MCTP2: variants seen among roughly 807,000 people sequenced by gnomAD.
MCTP2 encodes the protein multiple C2 and transmembrane domain containing 2, also known as multiple C2 and transmembrane domain-containing protein 2.
MCTP2 carries 132 observed loss-of-function variants against 111.6 expected under a neutral mutation model. The ratio of observed to expected loss-of-function variants is 1.18; its 90% CI spans 1.03 to 1.37. MCTP2 has a LOEUF of 1.37. Among genes scored for constraint, MCTP2 ranks in the 40% most tolerant of loss-of-function variants. The probability of loss-of-function intolerance (pLI) is 0.00; values close to 1 mark genes in which losing one functional copy is unlikely to be tolerated. For synonymous variants in MCTP2, 395 were observed against 387.7 expected, an observed-to-expected ratio of 1.02 and a Z score of -0.22; for missense variants, 1,183 against 1,067.9, an observed-to-expected ratio of 1.11 and a Z score of -1.50.
intron 17 of MCTP2, among the ~76,000 whole-genome samples, chr15:94,428,660 G>T (rs903325967): frequency 6.6e-6 from 1 of 151,802 alleles, no homozygotes; most frequent in Non-Finnish European, 1.5e-5. Flanking sequence ...CCTTCCATGT[G>T]TCTTAACCTC....
Position 94,427,412 on chromosome 15 carries a change from GA to G in MCTP2, c.2086-12763del, listed in dbSNP as rs553121715. Reference sequence around the variant, plus strand: ...CAGACTTAACAGGAAGCATGACTGGGAGGCCTCAGGAAACTTACAATCATGA... The same window carrying G: ...CAGACTTAACAGGAAGCATGACTGGGGGCCTCAGGAAACTTACAATCATGA... On this transcript the variant is annotated intron_variant, in intron 17 of 22. Coordinates refer to ENST00000357742, the MANE Select transcript of MCTP2 (RefSeq NM_001385001.1). 5.3e-5 allele frequency among the ~76,000 whole-genome samples: 8 copies of G among 152,246 alleles called. No homozygotes were observed. In the East Asian group the frequency reaches 1.5e-3, roughly 29 times the overall value.
chr15:94,372,150 A>G (rs185000175), intron 12 of MCTP2, among the ~76,000 whole-genome samples: 2 of 152,352 alleles, frequency 1.3e-5, no homozygotes, highest in East Asian at 1.9e-4. Context: ...ACAAATTCCA[A>G]TAACGATAGC....
At chr15:94,470,823 G>T (rs995831258) in intron 21 of MCTP2, among the ~76,000 whole-genome samples, 5 of 152,094 alleles carry the variant, frequency 3.3e-5, no homozygotes, top group Non-Finnish European at 7.3e-5. Context: ...TGTAAAAGTG[G>T]ATCTGGCCAC....
chr15:94,242,992 T>G (rs1398865068), intron 1 of MCTP2, among the ~76,000 whole-genome samples: 2 of 105,634 alleles, frequency 1.9e-5, no homozygotes, highest in East Asian at 5.5e-4. Flanking sequence ...TACACGTGTA[T>G]ATGTGTATCT....
chr15:94,287,311 GTTGTT>G (rs888843613), intron 1 of MCTP2, among the ~76,000 whole-genome samples: 20 of 150,678 alleles, frequency 1.3e-4, no homozygotes, highest in Admixed American at 1.3e-3. Flanking sequence ...TGTTTATTTT[GTTGTT>G]TTATTCTGTA....
At chr15:94,464,371 G>GATTTAATGTAGTTTATAACATCCTCTT (rs1555481497) in intron 20 of MCTP2, among the ~76,000 whole-genome samples, 3 of 133,894 alleles carry the variant, frequency 2.2e-5, no homozygotes, top group Non-Finnish European at 1.6e-5. Context: ...TCTACTTGTT[G>GATTTAATGTAGTTTATAACATCCTCTT]ATTTAATGTT....
chr15:94,482,465 T>G lies in MCTP2; in HGVS notation c.*3431T>G, dbSNP rs993193082. On this transcript the variant is annotated 3_prime_UTR_variant, in exon 23 of 23. Coordinates refer to ENST00000357742, the MANE Select transcript of MCTP2 (RefSeq NM_001385001.1). Reference sequence around the variant, plus strand: ...TCAAGGATGGCTCTCAGTCCCTAGGTCTCCAGGTCTAGGAAGATGGTGTTA... The same window carrying G: ...TCAAGGATGGCTCTCAGTCCCTAGGGCTCCAGGTCTAGGAAGATGGTGTTA... The G allele has an allele frequency of 1.3e-5, 2 of 152,118 alleles. No homozygotes were observed. The highest frequency in any genetic ancestry group is 6.5e-5 in the Admixed American group (1 of 15,270). The allele number at this position is 152,118 out of a possible 1,614,324, so 9.4% of individuals were successfully genotyped here. A position where few individuals can be genotyped will look rare whatever the true frequency, so the allele number is the denominator to read the frequency against.
intron 4 of MCTP2, among the ~76,000 whole-genome samples, chr15:94,337,501 T>A (rs1177000020): frequency 1.3e-5 from 2 of 148,948 alleles, no homozygotes; most frequent in Middle Eastern, 3.5e-3. Context: ...CCCACTTTTT[T>A]ATATATATAT....
At position 94,243,414 on chromosome 15, in the gene MCTP2, C is replaced by T. The variant is rs1282841925; in HGVS notation, c.-66+11750C>T. Among the ~76,000 whole-genome samples the T allele has an allele frequency of 2.8e-5, 4 of 144,978 alleles. 1 individual carries two copies. Among genetic ancestry groups the T allele is most frequent in the Non-Finnish European group, 6.1e-5 (4 of 66,092 alleles). On this transcript the variant is annotated intron_variant, in intron 1 of 22. Transcript: ENST00000357742. ...GCGTATATGCGTATGTACATACATA[C>T]GTATGCGTATATGCGTATGTACATA...
intron 7 of MCTP2, 45 bp from the exon 8 acceptor site, chr15:94,345,082 CTG>C (rs2077895758): frequency 1.2e-6 from 2 of 1,602,732 alleles, no homozygotes. Flanking sequence ...CTATCTTCCT[CTG>C]TTTTATTTTG....
At chr15:94,474,302 G>A (rs1321649544) in intron 21 of MCTP2, among the ~76,000 whole-genome samples, 1 of 152,060 alleles carries the variant, frequency 6.6e-6, no homozygotes, top group Non-Finnish European at 1.5e-5. Flanking sequence ...TAGCTTGTTT[G>A]CATGTACAGT....
rs969048572 is a variant in MCTP2 at position 94,426,476 on chromosome 15, T to G, written c.2086-13700T>G. Among the ~76,000 whole-genome samples the G allele has an allele frequency of 2.0e-5, 3 of 152,264 alleles. No homozygotes were observed. In the East Asian group the frequency reaches 5.8e-4, roughly 29 times the overall value. On this transcript the variant is annotated intron_variant, in intron 17 of 22. Coordinates refer to ENST00000357742, the MANE Select transcript of MCTP2 (RefSeq NM_001385001.1). ...CCTACTCCAAATCACAAATTCTCTCTTTTGCTTGATCTGTTCCACTGTTAA... is the reference window on the plus strand; with the variant it reads ...CCTACTCCAAATCACAAATTCTCTCGTTTGCTTGATCTGTTCCACTGTTAA...
chr15:94,263,121 T>A (rs1192841824), intron 1 of MCTP2, among the ~76,000 whole-genome samples: 1 of 152,182 alleles, frequency 6.6e-6, no homozygotes, highest in Non-Finnish European at 1.5e-5. Context: ...GACTTTATAG[T>A]AGAAAATAGA....
chr15:94,410,397 A>G (rs2082102787), intron 17 of MCTP2, among the ~76,000 whole-genome samples: 1 of 152,118 alleles, frequency 6.6e-6, no homozygotes, highest in South Asian at 2.1e-4. Flanking sequence ...TTCTCCCTCA[A>G]GGCTATGATG....
At chr15:94,314,459 A>C (rs1596333974) in intron 3 of MCTP2, 115 bp downstream of exon 3, 1 of 766,568 alleles carries the variant, frequency 1.3e-6, no homozygotes. Context: ...AAAATGCCAA[A>C]CCGTATCCAC....
rs2076339942 is a variant in MCTP2 at position 94,315,533 on chromosome 15, C to T, written c.533C>T (p.Pro178Leu). ...TSQHFEEQSV[P>L]GEASDGLSNL... is the part of the protein sequence containing the mutation. ...CTGCCTTCTCCATCTGTGCAGGTAC[C>T]GGGGGAAGCCAGTGATGGCTTGAGT... is the stretch of plus-strand genomic sequence containing the variant. The change falls in exon 4 of 23, where the codon CCG becomes CTG. Residue 178 changes from proline (P) to leucine (L), a missense_variant. By Grantham distance (98) the Pro-to-Leu change is moderately conservative (BLOSUM62 -3). Coordinates refer to ENST00000357742, the MANE Select transcript of MCTP2 (RefSeq NM_001385001.1). 5.0e-6 allele frequency: 8 copies of T among 1,612,942 alleles called. No individual in the cohort carries two copies. Among genetic ancestry groups the T allele is most frequent in the South Asian group, 2.2e-5 (2 of 91,016 alleles).
chr15:94,250,543 T>C (rs2072341173), intron 1 of MCTP2, among the ~76,000 whole-genome samples: 1 of 152,196 alleles, frequency 6.6e-6, no homozygotes, highest in African/African-American at 2.4e-5. Context: ...GCTAACACCA[T>C]GAAATTACCT....
At chr15:94,243,870 T>C (rs1334790771) in intron 1 of MCTP2, among the ~76,000 whole-genome samples, 2 of 146,594 alleles carry the variant, frequency 1.4e-5, no homozygotes, top group Non-Finnish European at 3.1e-5. Flanking sequence ...CATACATATG[T>C]GTATATATTT....
At chr15:94,292,560 A>G (rs894957579) in intron 1 of MCTP2, among the ~76,000 whole-genome samples, 2 of 152,304 alleles carry the variant, frequency 1.3e-5, no homozygotes, top group African/African-American at 4.8e-5. Flanking sequence ...CTAATAAAAC[A>G]TGTACTGGGT....
Sources: allele counts gnomAD v4.1 joint callset (sites outside exome capture counted in the v4.1 genomes callset), GRCh38; gene constraint gnomAD v4.1.1; transcripts MANE v1.5; gene names NCBI Gene and HGNC (gene_info 2026-07-23, HGNC 2026-07-21).